ANXA4: variants seen among roughly 807,000 people sequenced by gnomAD.
ANXA4 encodes the protein annexin A4, also known as 35-beta calcimedin.
ANXA4 carries 39 observed loss-of-function variants against 49.8 expected under a neutral mutation model. The observed-to-expected ratio is 0.78, with a 90% CI of 0.61 to 1.02. The LOEUF is 1.02. Among genes scored for constraint, ANXA4 ranks in the 50% least tolerant of loss-of-function variants. The pLI is 0.00. For synonymous variants in ANXA4, 134 were observed against 152.5 expected (o/e 0.88, Z 0.89); for missense variants, 360 against 410.1 (o/e 0.88, Z 1.05).
chr2:69,749,538 T>A (rs892431749), intron 1 of ANXA4, among the ~76,000 whole-genome samples: 4 of 152,144 alleles, frequency 2.6e-5, no homozygotes, highest in African/African-American at 7.2e-5. Context: ...ATGTAGCTAT[T>A]AAAAAATGGT....
chr2:69,661,897 T>C (rs1676737433), intron 2 of ANXA4, among the ~76,000 whole-genome samples: 1 of 152,088 alleles, frequency 6.6e-6, no homozygotes, highest in African/African-American at 2.4e-5. Context: ...GGGTGGATGA[T>C]TGGAAGCATG....
At chr2:69,771,132 A>G (rs1291914322) in intron 1 of ANXA4, among the ~76,000 whole-genome samples, 1 of 151,216 alleles carries the variant, frequency 6.6e-6, no homozygotes, top group Non-Finnish European at 1.5e-5. Context: ...AAAAGAAAGG[A>G]AAAATATTAT....
intron 2 of ANXA4, among the ~76,000 whole-genome samples, chr2:69,684,743 G>C (rs188495391): frequency 6.6e-6 from 1 of 151,876 alleles, no homozygotes; most frequent in East Asian, 1.9e-4. Context: ...AAAATGTAGG[G>C]CCACTGTCAA....
intron 2 of ANXA4, among the ~76,000 whole-genome samples, chr2:69,702,596 C>T (rs1417342584): frequency 6.6e-6 from 1 of 152,004 alleles, no homozygotes; most frequent in East Asian, 1.9e-4. Context: ...TACCTGTGGT[C>T]TCAGCTACTC....
chr2:69,686,209 G>T (rs1186505559), intron 2 of ANXA4, among the ~76,000 whole-genome samples: 2 of 151,812 alleles, frequency 1.3e-5, no homozygotes, highest in African/African-American at 2.4e-5. Flanking sequence ...TTTTGAGACA[G>T]AGTCTGGCTC....
intron 2 of ANXA4, among the ~76,000 whole-genome samples, chr2:69,688,019 CATT>C (rs1195523008): frequency 2.0e-5 from 3 of 152,142 alleles, no homozygotes; most frequent in African/African-American, 7.2e-5. Context: ...AATATCCAGT[CATT>C]ATTTAAATTT....
intron 2 of ANXA4, among the ~76,000 whole-genome samples, chr2:69,686,884 T>G (rs1271942189): frequency 6.6e-6 from 1 of 152,234 alleles, no homozygotes; most frequent in Non-Finnish European, 1.5e-5. Flanking sequence ...CAGTCACTGG[T>G]AGAAGGGAGG....
rs78295155 is a variant in ANXA4 at position 69,697,414 on chromosome 2, T to G, written n.767-23360T>G. 1.9e-3 allele frequency among the ~76,000 whole-genome samples: 290 copies of G among 152,348 alleles called. 6 individuals are homozygous for G. The East Asian group carries it at 0.047, about 25-fold the overall frequency. ...GGATGAAGGGAATGTTGTTGCTGGTTTGATCTTCTATCCAGCTCACTGAAA... is the reference window on the plus strand; with the variant it reads ...GGATGAAGGGAATGTTGTTGCTGGTGTGATCTTCTATCCAGCTCACTGAAA... On this transcript the variant is annotated intron_variant and non_coding_transcript_variant, in intron 2 of 3. Coordinates refer to the ANXA4 transcript ENST00000418066.
chr2:69,703,017 C>T (rs1678380070), intron 2 of ANXA4, among the ~76,000 whole-genome samples: 1 of 151,976 alleles, frequency 6.6e-6, no homozygotes, highest in African/African-American at 2.4e-5. Context: ...AATTATTGTC[C>T]AGCGCATGCA....
At chr2:69,668,722 C>T (rs1677036390) in intron 2 of ANXA4, among the ~76,000 whole-genome samples, 1 of 152,106 alleles carries the variant, frequency 6.6e-6, no homozygotes, top group Non-Finnish European at 1.5e-5. Flanking sequence ...TCAGGCACAG[C>T]CATATTACGC....
At chr2:69,685,216 A>G (rs1388356662) in intron 2 of ANXA4, among the ~76,000 whole-genome samples, 1 of 152,146 alleles carries the variant, frequency 6.6e-6, no homozygotes, top group Non-Finnish European at 1.5e-5. Flanking sequence ...AAAAGGAATG[A>G]TTAAGATCCA....
intron 2 of ANXA4, among the ~76,000 whole-genome samples, chr2:69,680,839 C>A (rs1399094544): frequency 3.9e-5 from 6 of 152,120 alleles, no homozygotes; most frequent in Non-Finnish European, 7.4e-5. Context: ...ATCCTTACAT[C>A]CCTGAGATAA....
chr2:69,691,793 AG>A (rs1677981290), intron 2 of ANXA4, among the ~76,000 whole-genome samples: 1 of 152,150 alleles, frequency 6.6e-6, no homozygotes, highest in Non-Finnish European at 1.5e-5. Flanking sequence ...GCAGGACTAG[AG>A]CTGCCTAGCC....
intron 6 of ANXA4, 188 bp from the exon 7 acceptor site, chr2:69,810,406 A>C (rs1673646766): frequency 1.7e-6 from 1 of 580,626 alleles, no homozygotes; most frequent in East Asian, 2.9e-5. Context: ...ATCGTGTGAC[A>C]GGATAAGCTG....
intron 2 of ANXA4, among the ~76,000 whole-genome samples, chr2:69,694,925 C>T (rs1678111827): frequency 6.6e-6 from 1 of 152,096 alleles, no homozygotes; most frequent in African/African-American, 2.4e-5. Flanking sequence ...CATGCCCAGG[C>T]TGTTATAAGA....
In ANXA4 at chr2:69,694,003, T is replaced by C. The variant is rs183110581; in HGVS notation, n.767-26771T>C. On this transcript the variant is annotated intron_variant and non_coding_transcript_variant, in intron 2 of 3. Coordinates refer to the ANXA4 transcript ENST00000418066. ...CTACTGTGGCCTGGAGAAACCAGGT[T>C]ACGCATGGTTTATATAAAAAGTTGG... Among the ~76,000 whole-genome samples, 5 of 152,236 alleles carry C rather than the reference T, an allele frequency of 3.3e-5. No individual in the cohort carries two copies. In the East Asian group the frequency reaches 9.6e-4, roughly 29 times the overall value.
chr2:69,656,399 A>ATGTATATATATG (rs1559046890), intron 2 of ANXA4, among the ~76,000 whole-genome samples: 3 of 87,630 alleles, frequency 3.4e-5, no homozygotes, highest in Non-Finnish European at 8.3e-5. Flanking sequence ...GTGTATATAT[A>ATGTATATATATG]TGTATATATA....
chr2:69,654,828 T>C (rs1053013897), intron 2 of ANXA4, among the ~76,000 whole-genome samples: 3 of 152,008 alleles, frequency 2.0e-5, no homozygotes, highest in Non-Finnish European at 4.4e-5. Flanking sequence ...CCAAAACAGA[T>C]ATATAGACCA....
chr2:69,808,588 C>T (rs1376165912), intron 6 of ANXA4: 1 of 152,992 alleles, frequency 6.5e-6, no homozygotes, highest in Non-Finnish European at 1.5e-5. Context: ...ATTGTCTAAA[C>T]AAAATATTAT....
Sources: gnomAD v4.1 joint callset for allele counts (sites outside exome capture counted in the v4.1 genomes callset) on GRCh38, gnomAD v4.1.1 for gene constraint, MANE v1.5 for transcripts, NCBI Gene and HGNC (gene_info 2026-07-23, HGNC 2026-07-21) for gene names.